FREM3: variants seen among roughly 807,000 people sequenced by gnomAD.
FREM3 encodes the protein FRAS1-related extracellular matrix protein 3.
FREM3 carries 105 observed loss-of-function variants against 129.1 expected under a neutral mutation model. The observed-to-expected ratio is 0.81, with a 90% CI of 0.69 to 0.96. The LOEUF (loss-of-function observed/expected upper bound fraction) is 0.96, where lower values mean the gene tolerates loss of function less well. Ranked by LOEUF, FREM3 falls within the 40% of genes least tolerant of loss-of-function variation. The pLI is 0.00. For synonymous variants in FREM3, 1,014 were observed against 1,044.9 expected, an observed-to-expected ratio of 0.97 and a Z score of 0.57; for missense variants, 2,593 against 2,666.3, an observed-to-expected ratio of 0.97 and a Z score of 0.61.
At chr4:143,602,047 T>C (rs912192283) in intron 6 of FREM3, 5 of 152,178 alleles carry the variant, frequency 3.3e-5, no homozygotes, top group South Asian at 2.1e-4. Flanking sequence ...AATGAAAACA[T>C]GCTTTCGTTA....
At chr4:143,637,573 G>C (rs563946663) in intron 2 of FREM3, among the ~76,000 whole-genome samples, 14 of 152,066 alleles carry the variant, frequency 9.2e-5, no homozygotes, top group African/African-American at 2.7e-4. Flanking sequence ...TGCCCTCTTA[G>C]TGCTTCAGGG....
intron 2 of FREM3, among the ~76,000 whole-genome samples, chr4:143,634,484 C>G (rs1033672412): frequency 1.3e-5 from 2 of 152,040 alleles, no homozygotes; most frequent in African/African-American, 4.8e-5. Context: ...CAGCCATCAC[C>G]CTTTTTCACC....
At position 143,688,917 on chromosome 4, in the gene FREM3, A is replaced by G. The variant is rs188226307; in HGVS notation, c.5275+4196T>C. ...CTTAATCCTAAGACCTGAAACTATA[A>G]AAATTCTAGAAGATAATATTGGAAA... On this transcript the variant is annotated intron_variant, in intron 2 of 7. Transcript: ENST00000329798. Among the ~76,000 whole-genome samples the G allele has an allele frequency of 5.2e-3, 790 of 152,346 alleles. 6 individuals are homozygous for G. Among genetic ancestry groups the G allele is most frequent in the African/African-American group, 0.018 (755 of 41,582 alleles).
intron 6 of FREM3, among the ~76,000 whole-genome samples, chr4:143,608,119 C>G (rs1578832506): frequency 6.6e-6 from 1 of 152,168 alleles, no homozygotes; most frequent in South Asian, 2.1e-4. Context: ...ATCGCACCAT[C>G]TCAACAGCCT....
At chr4:143,685,933 C>T (rs1740356403) in intron 2 of FREM3, among the ~76,000 whole-genome samples, 2 of 151,992 alleles carry the variant, frequency 1.3e-5, no homozygotes, top group African/African-American at 4.8e-5. Context: ...TGATGGGTGC[C>T]CCAAACCATG....
intron 2 of FREM3, among the ~76,000 whole-genome samples, chr4:143,688,874 CT>C (rs1214408475): frequency 6.6e-6 from 1 of 152,118 alleles, no homozygotes; most frequent in East Asian, 1.9e-4. Context: ...CAAAAACCAA[CT>C]CAAGATGGAT....
chr4:143,649,892 G>T (rs980650), intron 2 of FREM3, among the ~76,000 whole-genome samples: 75,725 of 152,030 alleles, frequency 0.5, 19,658 homozygotes, highest in East Asian at 0.71. Context: ...TAAAATTTAA[G>T]AACAAATCAA....
At chr4:143,636,128 C>T (rs1389750604) in intron 2 of FREM3, among the ~76,000 whole-genome samples, 4 of 150,736 alleles carry the variant, frequency 2.7e-5, no homozygotes, top group Non-Finnish European at 4.4e-5. Context: ...AAATTCCTTT[C>T]TTCACATCAT....
At chr4:143,589,735 G>A (rs979362971) in intron 6 of FREM3, among the ~76,000 whole-genome samples, 18 of 152,178 alleles carry the variant, frequency 1.2e-4, no homozygotes, top group African/African-American at 4.3e-4. Flanking sequence ...CTCTTTTTTG[G>A]TTCCATATGA....
At chr4:143,632,902 C>T (rs1261488248) in intron 2 of FREM3, among the ~76,000 whole-genome samples, 2 of 152,138 alleles carry the variant, frequency 1.3e-5, no homozygotes, top group Non-Finnish European at 2.9e-5. Flanking sequence ...TGCATGTAGC[C>T]CACAGGCCAT....
At chr4:143,674,718 C>CA (rs1019152698) in intron 2 of FREM3, among the ~76,000 whole-genome samples, 2 of 151,244 alleles carry the variant, frequency 1.3e-5, no homozygotes, top group South Asian at 2.1e-4. Flanking sequence ...AAATGGAAAA[C>CA]AAAAAAAAGC....
At position 143,698,544 on chromosome 4, in the gene FREM3, A is replaced by T; in HGVS notation, c.2132T>A (p.Leu711Gln). Reference sequence around the variant, plus strand: ...TTGGTATTCTTGTACAGTCATTTCTAGTGTAGTTCCTGGATACAGCTGTGG... The same window carrying T: ...TTGGTATTCTTGTACAGTCATTTCTTGTGTAGTTCCTGGATACAGCTGTGG... ...LSPQLYPGTT[L>Q]EMTVQEYQLT... The change falls in exon 1 of 8, where the codon CTA (leucine) becomes CAA (glutamine). Residue 711 changes from leucine to glutamine, a missense_variant. Leu to Gln is a moderately radical substitution (Grantham distance 113). Around this residue, in one of 2 missense-constraint regions of FREM3, gnomAD observed 2,276 missense variants for 2,267.2 expected, o/e 1.00. Coordinates refer to ENST00000329798, the MANE Select transcript of FREM3 (RefSeq NM_001168235.2). 2.6e-6 allele frequency: 4 copies of T among 1,537,644 alleles called. No individual in the cohort carries two copies. The highest frequency in any genetic ancestry group is 3.5e-6 in the Non-Finnish European group (4 of 1,147,016).
chr4:143,696,471 T>C lies in FREM3; in HGVS notation c.4205A>G (p.Asp1402Gly), dbSNP rs779059373. The C allele has an allele frequency of 6.5e-6, 10 of 1,537,702 alleles. No individual in the cohort carries two copies. In the South Asian group the frequency reaches 9.5e-5, roughly 15 times the overall value. Residue 1402 changes from aspartate to glycine, a missense_variant, in exon 1 of 8, where the codon GAT becomes GGT. Physicochemically the swap from Asp to Gly is moderately conservative, Grantham distance 94. Coordinates refer to ENST00000329798, the MANE Select transcript of FREM3 (RefSeq NM_001168235.2). The stretch of plus-strand genomic sequence containing the variant: ...CAAAGTGTTAACCCCATCAGTAACA[T>C]CAAACTTGATAATGTCAACAATCCC... ...QEGIVDIIKFDVTDGVNTLTD... is the reference protein window; with the variant it reads ...QEGIVDIIKFGVTDGVNTLTD...
Position 143,693,110 on chromosome 4 carries a change from TA to T in FREM3, c.5275+2del. The T allele has an allele frequency of 6.9e-7, 1 of 1,442,204 alleles. No homozygotes were observed. The highest frequency in any genetic ancestry group is 9.3e-7 in the Non-Finnish European group (1 of 1,076,738). The allele number at this position is 1,442,204 out of a possible 1,614,324, so 89.3% of individuals were successfully genotyped here. A position where few individuals can be genotyped will look rare whatever the true frequency, so the allele number is the denominator to read the frequency against. ...TCCTTTTGAAGGGTTTATTATGACT[TA>T]CCATTGTCTTCAACAGAGAAATAGA... On this transcript the variant is annotated splice_donor_variant, in intron 2 of 7. Coordinates refer to ENST00000329798, the MANE Select transcript of FREM3 (RefSeq NM_001168235.2). LOFTEE classifies it high-confidence loss of function.
chr4:143,633,837 A>G (rs1739184007), intron 2 of FREM3, among the ~76,000 whole-genome samples: 1 of 152,182 alleles, frequency 6.6e-6, no homozygotes, highest in African/African-American at 2.4e-5. Flanking sequence ...AGATAAAAAG[A>G]CATGTCAGGT....
rs192019430 is a variant in FREM3, at chr4:143,677,921, A to G, written c.5275+15192T>C. On this transcript the variant is annotated intron_variant, in intron 2 of 7. Coordinates refer to ENST00000329798, the MANE Select transcript of FREM3 (RefSeq NM_001168235.2). The stretch of plus-strand genomic sequence containing the variant: ...GCTGGAGAGGATGTGGAGAAATAGG[A>G]ACACTTTTCCACTGTTGGTGGGACT... Among the ~76,000 whole-genome samples the G allele has an allele frequency of 9.3e-4, 141 of 152,328 alleles. 1 individual carries two copies. In the Middle Eastern group the frequency reaches 0.01, roughly 11 times the overall value.
intron 4 of FREM3, among the ~76,000 whole-genome samples, chr4:143,623,012 T>G (rs1390439378): frequency 3.3e-5 from 5 of 152,202 alleles, no homozygotes; most frequent in Non-Finnish European, 7.3e-5. Context: ...GGGGGCAGTG[T>G]TTTCTACTTC....
At chr4:143,687,918 C>T (rs1259830718) in intron 2 of FREM3, among the ~76,000 whole-genome samples, 1 of 152,102 alleles carries the variant, frequency 6.6e-6, no homozygotes, top group Non-Finnish European at 1.5e-5. Flanking sequence ...ACTGAATGGG[C>T]AGAAGTTTGA....
At chr4:143,640,638 C>T (rs913425540) in intron 2 of FREM3, among the ~76,000 whole-genome samples, 4 of 152,016 alleles carry the variant, frequency 2.6e-5, no homozygotes, top group African/African-American at 9.7e-5. Context: ...CCATTGCACT[C>T]CAGCCTGGGC....
Sources: allele counts gnomAD v4.1 joint callset (sites outside exome capture counted in the v4.1 genomes callset), GRCh38; gene constraint gnomAD v4.1.1; regional missense constraint gnomAD v4.1.1; transcripts MANE v1.5; gene names NCBI Gene and HGNC (gene_info 2026-07-23, HGNC 2026-07-21).